Variants in USP14 observed in about 807,000 individuals in gnomAD.
USP14 encodes the protein ubiquitin specific peptidase 14, also known as ubiquitin carboxyl-terminal hydrolase 14.
USP14 carries 38 observed loss-of-function variants against 76.5 expected under a neutral mutation model. The ratio of observed to expected loss-of-function variants is 0.50; its 90% confidence interval spans 0.38 to 0.65. The LOEUF (loss-of-function observed/expected upper bound fraction) is 0.65, where lower values mean the gene tolerates loss of function less well. Among genes scored for constraint, USP14 ranks in the 30% least tolerant of loss-of-function variants. The pLI is 0.00. For synonymous variants in USP14, 192 were observed against 191.7 expected (o/e 1.00, Z -0.01); for missense variants, 467 against 586.5 (o/e 0.80, Z 2.10).
chr18:196,424 T>C, intron 6 of USP14: 6 of 369,314 alleles, frequency 1.6e-5, no homozygotes, highest in Admixed American at 8.7e-5. Context: ...CTCTGGAGGC[T>C]GAGGCAGGAG....
At chr18:172,319 G>T (rs1338274016) in intron 3 of USP14, among the ~76,000 whole-genome samples, 1 of 152,164 alleles carries the variant, frequency 6.6e-6, no homozygotes, top group Non-Finnish European at 1.5e-5. Flanking sequence ...TTGAACAGAT[G>T]AGGAGGTAAC....
chr18:198,218 G>A (rs1910292999), intron 9 of USP14, 86 bp downstream of exon 9: 1 of 1,203,658 alleles, frequency 8.3e-7, no homozygotes, highest in Admixed American at 2.5e-5. Flanking sequence ...GATTGGTGGT[G>A]GGTAGAAGAA....
intron 3 of USP14, among the ~76,000 whole-genome samples, chr18:169,613 T>A (rs1360519749): frequency 6.6e-6 from 1 of 152,142 alleles, no homozygotes; most frequent in African/African-American, 2.4e-5. Flanking sequence ...TTAAATATTA[T>A]GATTGACCCC....
At chr18:173,284 AT>A (rs567977635) in intron 3 of USP14, among the ~76,000 whole-genome samples, 5 of 146,432 alleles carry the variant, frequency 3.4e-5, no homozygotes, top group African/African-American at 7.6e-5. Flanking sequence ...TTTTTTTTGT[AT>A]TTTTTTTAGT....
At chr18:185,047 A>G (rs1229691433) in intron 5 of USP14, among the ~76,000 whole-genome samples, 1 of 152,206 alleles carries the variant, frequency 6.6e-6, no homozygotes, top group African/African-American at 2.4e-5. Context: ...CTCAAAAGAC[A>G]GTATCACATG....
intron 2 of USP14, among the ~76,000 whole-genome samples, chr18:166,114 T>G (rs1909264445): frequency 6.6e-6 from 1 of 152,338 alleles, no homozygotes; most frequent in East Asian, 1.9e-4. Context: ...AGCTTGTTAT[T>G]TATTAGCTCT....
chr18:166,965 G>T, intron 3 of USP14, 146 bp downstream of exon 3: 1 of 672,754 alleles, frequency 1.5e-6, no homozygotes, highest in Non-Finnish European at 2.3e-6. Context: ...ATTGACTTGT[G>T]TTGGGCTCTT....
chr18:179,371 T>G (rs1179854676), intron 4 of USP14, among the ~76,000 whole-genome samples: 1 of 152,054 alleles, frequency 6.6e-6, no homozygotes, highest in African/African-American at 2.4e-5. Flanking sequence ...ATATAAGTAT[T>G]TACTATTACT....
At position 173,533 on chromosome 18, in the gene USP14, T is replaced by G. The variant is rs139044741; in HGVS notation, c.196-5400T>G. Among the ~76,000 whole-genome samples the G allele has an allele frequency of 6.6e-5, 10 of 152,228 alleles. No individual in the cohort carries two copies. In the East Asian group the frequency reaches 1.9e-3, roughly 29 times the overall value. On this transcript the variant is annotated intron_variant, in intron 3 of 15. Transcript: ENST00000261601. ...TTCAAGAGATTCTCCTGCCTCAGCC[T>G]CCTGAGTAGCTGGGATTAAAGGCAT...
intron 12 of USP14, 50 bp downstream of exon 12, chr18:203,240 A>G (rs774275744): frequency 1.2e-4 from 179 of 1,507,656 alleles, no homozygotes; most frequent in Non-Finnish European, 1.5e-4. Context: ...TTTGAAGGTA[A>G]TTGCTAACTC....
intron 3 of USP14, among the ~76,000 whole-genome samples, chr18:167,479 G>A (rs1297201706): frequency 6.6e-6 from 1 of 151,834 alleles, no homozygotes; most frequent in Non-Finnish European, 1.5e-5. Context: ...TCTTAGCAGA[G>A]TTGTAGTTTT....
chr18:207,103 T>A (rs1012199647), intron 13 of USP14, among the ~76,000 whole-genome samples: 3 of 107,438 alleles, frequency 2.8e-5, no homozygotes, highest in Non-Finnish European at 7.2e-5. Flanking sequence ...TTGGAACCTT[T>A]GTAGAGATTA....
intron 6 of USP14, among the ~76,000 whole-genome samples, chr18:194,445 A>G (rs1302903995): frequency 6.6e-6 from 1 of 152,228 alleles, no homozygotes; most frequent in Non-Finnish European, 1.5e-5. Context: ...GTTTTGAAAT[A>G]CATTTAAATT....
At chr18:175,267 T>C (rs1403429533) in intron 3 of USP14, among the ~76,000 whole-genome samples, 1 of 152,190 alleles carries the variant, frequency 6.6e-6, no homozygotes, top group Non-Finnish European at 1.5e-5. Flanking sequence ...TTGTTTCTCT[T>C]TTTTTCTTTA....
At chr18:176,426 T>A (rs1220407825) in intron 3 of USP14, among the ~76,000 whole-genome samples, 1 of 152,212 alleles carries the variant, frequency 6.6e-6, no homozygotes, top group Non-Finnish European at 1.5e-5. Flanking sequence ...TACCTTGGAC[T>A]ACAGGTGTGT....
intron 2 of USP14, 78 bp from the exon 3 acceptor site, chr18:166,709 A>G (rs1037539229): frequency 1.2e-5 from 17 of 1,409,592 alleles, no homozygotes; most frequent in Non-Finnish European, 2.9e-6. Context: ...TTTGAAGTAC[A>G]TTAAAATAAA....
intron 5 of USP14, among the ~76,000 whole-genome samples, chr18:183,213 T>C (rs1909833126): frequency 6.6e-6 from 1 of 152,168 alleles, no homozygotes; most frequent in African/African-American, 2.4e-5. Flanking sequence ...TCCTCAGTGA[T>C]TGGTAGTTAT....
At chr18:184,454 T>G (rs1909873181) in intron 5 of USP14, among the ~76,000 whole-genome samples, 1 of 152,212 alleles carries the variant, frequency 6.6e-6, no homozygotes. Context: ...GCAGGTTCTA[T>G]AGAGTGGGAG....
intron 5 of USP14, among the ~76,000 whole-genome samples, chr18:183,638 T>A (rs780392592): frequency 6.6e-6 from 1 of 152,134 alleles, no homozygotes; most frequent in Non-Finnish European, 1.5e-5. Context: ...TTTGTTTCAC[T>A]GCTTACTTAT....
Sources: gnomAD v4.1 joint callset for allele counts (sites outside exome capture counted in the v4.1 genomes callset) on GRCh38, gnomAD v4.1.1 for gene constraint, MANE v1.5 for transcripts, NCBI Gene and HGNC (gene_info 2026-07-23, HGNC 2026-07-21) for gene names.